Variants in WARS1 observed in about 807,000 individuals in gnomAD.
The protein encoded by WARS1 is tryptophanyl-tRNA synthetase 1, also known as tryptophan--tRNA ligase, cytoplasmic.
Under a neutral mutation model 47.8 loss-of-function variants are expected in WARS1, and 17 were observed. That is an observed-to-expected ratio of 0.36 (90% CI 0.24 to 0.53). WARS1 has a LOEUF of 0.53. Ranked by LOEUF, WARS1 falls within the 20% of genes least tolerant of loss-of-function variation. WARS1 has a pLI of 0.91. For missense variants in WARS1, 434 were observed against 608.0 expected (o/e 0.71, Z 3.01); for synonymous variants, 208 against 228.1 (o/e 0.91, Z 0.79).
intron 9 of WARS1, 52 bp downstream of exon 9, chr14:100,342,346 C>T (rs768145845): frequency 6.2e-7 from 1 of 1,607,448 alleles, no homozygotes; most frequent in South Asian, 1.1e-5. Flanking sequence ...GTGTGCCCCC[C>T]AGGGCATGTT....
chr14:100,361,981 T>C (rs552323356), intron 2 of WARS1, 60 bp from the exon 3 acceptor site: 4 of 1,552,654 alleles, frequency 2.6e-6, no homozygotes, highest in East Asian at 4.5e-5. Flanking sequence ...ATGTGCTGAA[T>C]GCCTATTCTG....
intron 4 of WARS1, among the ~76,000 whole-genome samples, chr14:100,359,102 G>A (rs1213296612): frequency 6.6e-6 from 1 of 152,206 alleles, no homozygotes; most frequent in African/African-American, 2.4e-5. Context: ...CTGTAGAAAA[G>A]TCTGTCAGTT....
chr14:100,351,119 G>T (rs1041495794), intron 6 of WARS1, among the ~76,000 whole-genome samples: 6 of 152,126 alleles, frequency 3.9e-5, no homozygotes, highest in Admixed American at 2.6e-4. Flanking sequence ...GTCATCTAAG[G>T]AGGAGAGCTG....
chr14:100,339,367 A>G (rs190373252), intron 9 of WARS1, among the ~76,000 whole-genome samples: 1,780 of 152,238 alleles, frequency 0.012, 35 homozygotes, highest in African/African-American at 0.039. Context: ...CAAGGCGGGC[A>G]GATTACGAGG....
At chr14:100,346,667 C>T in intron 7 of WARS1, 79 bp downstream of exon 7, 1 of 1,168,484 alleles carries the variant, frequency 8.6e-7, no homozygotes, top group Non-Finnish European at 1.3e-6. Context: ...ATATTTAAAC[C>T]AGGCATGTGT....
chr14:100,365,883 G>A, intron 2 of WARS1: 1 of 378,256 alleles, frequency 2.6e-6, no homozygotes, highest in Non-Finnish European at 5.3e-6. Context: ...TGGAAATACT[G>A]GAAGGTGACC....
rs544230253 is a variant in WARS1 at position 100,347,256 on chromosome 14, G to A, written c.726-410C>T. On this transcript the variant is annotated intron_variant, in intron 6 of 10. Transcript: ENST00000392882. ...TCTTAGCTGAGACATACTGTGTTGT[G>A]GGAGACCATCTGCTTGTTGTCGGAT... is the stretch of plus-strand genomic sequence containing the variant. Among the ~76,000 whole-genome samples the A allele has an allele frequency of 4.6e-5, 7 of 152,322 alleles. No homozygotes were observed. The East Asian group carries it at 1.2e-3, about 25-fold the overall frequency.
At chr14:100,364,787 A>C (rs992472514) in intron 2 of WARS1, among the ~76,000 whole-genome samples, 4 of 152,234 alleles carry the variant, frequency 2.6e-5, no homozygotes, top group African/African-American at 4.8e-5. Flanking sequence ...TTAAATGGAC[A>C]AAAATACCAC....
chr14:100,345,493 T>C (rs1056554360), intron 7 of WARS1, among the ~76,000 whole-genome samples: 2 of 151,792 alleles, frequency 1.3e-5, no homozygotes, highest in African/African-American at 4.8e-5. Flanking sequence ...CACCACTCCC[T>C]AATCTCAAGT....
chr14:100,335,293 C>T (rs1482374587), intron 10 of WARS1, among the ~76,000 whole-genome samples: 1 of 152,210 alleles, frequency 6.6e-6, no homozygotes, highest in Non-Finnish European at 1.5e-5. Context: ...GGAGGGCAGT[C>T]CCCACCCCTA....
chr14:100,344,690 C>T (rs1185081293), intron 7 of WARS1, among the ~76,000 whole-genome samples: 2 of 151,708 alleles, frequency 1.3e-5, no homozygotes, highest in Non-Finnish European at 2.9e-5. Context: ...GTGTCTCTGC[C>T]CGGCCGCCCA....
rs530395314 is a variant in WARS1, at chr14:100,335,010, G to A, written c.1281C>T (p.Thr427=). The A allele has an allele frequency of 1.4e-5, 22 of 1,614,010 alleles. 1 individual carries two copies. The highest frequency in any genetic ancestry group is 8.8e-5 in the South Asian group (8 of 91,058). The change falls in exon 11 of 11, where the codon ACC becomes ACT. Residue 427 remains threonine (T), a synonymous_variant. Coordinates refer to ENST00000392882, the MANE Select transcript of WARS1 (RefSeq NM_004184.4). ...CTATGAGTGCCTTCTTGAGCTCACC[G>A]GTGAGCATGGCTCCGCTGGTGTAAT... The part of the protein sequence containing the change: ...RKDYTSGAML[T]GELKKALIEV...
In WARS1 at chr14:100,334,210, C is replaced by T. The variant is rs1893554054; in HGVS notation, c.*665G>A. 1 of 152,638 alleles carries T rather than the reference C, an allele frequency of 6.6e-6. No individual in the cohort carries two copies. The highest frequency in any genetic ancestry group is 2.4e-5 in the African/African-American group (1 of 41,436). 9.5% of individuals were successfully genotyped at this position (152,638 alleles called of 1,614,324 possible). ...CGAGCATGATTTCTGGAGTGGACTA[C>T]ATGCATGGTCTGGAGTTCAGTAAAC... On this transcript the variant is annotated 3_prime_UTR_variant, in exon 11 of 11. Coordinates refer to ENST00000392882, the MANE Select transcript of WARS1 (RefSeq NM_004184.4).
intron 2 of WARS1, chr14:100,366,996 C>T (rs2140073371): frequency 8.7e-7 from 1 of 1,143,314 alleles, no homozygotes; most frequent in Non-Finnish European, 1.3e-6. Flanking sequence ...GCCTACTCGT[C>T]TGGTTTGTCC....
chr14:100,373,070 T>G lies in WARS1; in HGVS notation c.-74+2213A>C, dbSNP rs1896441469. 6.6e-6 allele frequency among the ~76,000 whole-genome samples: 1 copy of G among 152,184 alleles called. No homozygotes were observed. The highest frequency in any genetic ancestry group is 2.4e-5 in the African/African-American group (1 of 41,444). On this transcript the variant is annotated intron_variant, in intron 1 of 10. Coordinates refer to ENST00000392882, the MANE Select transcript of WARS1 (RefSeq NM_004184.4). This position sits in a 1 kb window ranked among gnomAD's most constrained non-coding sequence, Gnocchi z 4.4. ...TGAAAGCACTCACACTGCAGTTTAG[T>G]TATTCATGTCTTCCCCAGCAGACAG...
intron 9 of WARS1, among the ~76,000 whole-genome samples, chr14:100,339,545 T>G (rs1238558687): frequency 2.2e-5 from 3 of 139,352 alleles, no homozygotes; most frequent in African/African-American, 8.0e-5. Flanking sequence ...GAGCCGAGAT[T>G]GTGCCACTGC....
chr14:100,345,768 T>C (rs943847078), intron 7 of WARS1, among the ~76,000 whole-genome samples: 3 of 152,274 alleles, frequency 2.0e-5, no homozygotes, highest in African/African-American at 7.2e-5. Context: ...GTCATTAGTA[T>C]TTGCTTAGAC....
At chr14:100,342,174 T>G in intron 9 of WARS1, 1 of 607,302 alleles carries the variant, frequency 1.6e-6, no homozygotes, top group South Asian at 1.8e-5. Context: ...ATTCAAAATT[T>G]TACCTAAATG....
At chr14:100,363,110 T>A (rs749783701) in intron 2 of WARS1, among the ~76,000 whole-genome samples, 14 of 152,158 alleles carry the variant, frequency 9.2e-5, no homozygotes, top group Non-Finnish European at 1.9e-4. Flanking sequence ...AAAATAACAG[T>A]TTAGTACGTA....
Sources: allele counts gnomAD v4.1 joint callset (sites outside exome capture counted in the v4.1 genomes callset), GRCh38; gene constraint gnomAD v4.1.1; non-coding constraint Gnocchi (gnomAD v3.1); transcripts MANE v1.5; gene names NCBI Gene and HGNC (gene_info 2026-07-23, HGNC 2026-07-21).